The following SNX25 variants were observed in gnomAD, a reference collection of about 807,000 sequenced individuals.
SNX25 encodes the protein sorting nexin 25.
SNX25 carries 62 observed loss-of-function variants against 113.7 expected under a neutral mutation model. That is an observed-to-expected ratio of 0.55 (90% CI 0.44 to 0.67). SNX25 has a LOEUF of 0.67. Among genes scored for constraint, SNX25 ranks in the 30% least tolerant of loss-of-function variants. The pLI is 0.00. For synonymous variants in SNX25, 421 were observed against 436.2 expected (o/e 0.97, Z 0.43); for missense variants, 1,014 against 1,161.0 (o/e 0.87, Z 1.84).
intron 1 of SNX25, among the ~76,000 whole-genome samples, chr4:185,228,137 G>T (rs1398572360): frequency 6.6e-6 from 1 of 152,226 alleles, no homozygotes; most frequent in East Asian, 1.9e-4. Flanking sequence ...TTTACAGTGT[G>T]TGGCCTGTGC....
At chr4:185,219,977 A>G (rs919285394) in intron 1 of SNX25, among the ~76,000 whole-genome samples, 1 of 149,126 alleles carries the variant, frequency 6.7e-6, no homozygotes, top group African/African-American at 2.5e-5. Flanking sequence ...TGCAACCGCT[A>G]GATAGCTCAG....
intron 15 of SNX25, among the ~76,000 whole-genome samples, chr4:185,356,579 G>A (rs2126751670): frequency 6.6e-6 from 1 of 152,158 alleles, no homozygotes; most frequent in South Asian, 2.1e-4. Context: ...ACTTTAACTG[G>A]ATATTTTGAT....
At chr4:185,371,329 G>A (rs1483494179), downstream of SNX25, among the ~76,000 whole-genome samples, 1 of 151,894 alleles carries the variant, frequency 6.6e-6, no homozygotes, top group African/African-American at 2.4e-5. Context: ...CACGAGGTTA[G>A]GAGATTGAGA....
intron 1 of SNX25, among the ~76,000 whole-genome samples, chr4:185,238,137 T>A (rs1244170005): frequency 6.6e-6 from 1 of 150,464 alleles, no homozygotes; most frequent in Non-Finnish European, 1.5e-5. Context: ...ACATTTAGAG[T>A]CCTTGTCAGG....
At chr4:185,340,334 T>C (rs1454354062) in intron 11 of SNX25, among the ~76,000 whole-genome samples, 1 of 152,144 alleles carries the variant, frequency 6.6e-6, no homozygotes, top group Non-Finnish European at 1.5e-5. Context: ...CTAGGTTGGA[T>C]AGCAAAACAA....
At chr4:185,367,160 T>C (rs949666636), downstream of SNX25, 6 of 1,600,162 alleles carry the variant, frequency 3.7e-6, no homozygotes, top group African/African-American at 8.1e-5. Flanking sequence ...TTGATGATCT[T>C]TGTTGAAATA....
At chr4:185,288,330 G>A (rs1316893858) in intron 6 of SNX25, among the ~76,000 whole-genome samples, 2 of 151,838 alleles carry the variant, frequency 1.3e-5, no homozygotes, top group Non-Finnish European at 2.9e-5. Context: ...ATTTTTAGAA[G>A]GCTAAAATCA....
intron 12 of SNX25, among the ~76,000 whole-genome samples, chr4:185,346,209 CCTT>C (rs1474209128): frequency 1.3e-5 from 2 of 152,208 alleles, no homozygotes; most frequent in African/African-American, 4.8e-5. Flanking sequence ...AAACACAACA[CCTT>C]CTAGTTGAAA....
At chr4:185,367,267 A>G (rs371006528), downstream of SNX25, 1 of 1,598,550 alleles carries the variant, frequency 6.3e-7, no homozygotes. Flanking sequence ...AAAGAGTCAG[A>G]TATTTAGATA....
chr4:185,369,125 T>C (rs903340414), intron 11 of SNX25, among the ~76,000 whole-genome samples: 2 of 151,354 alleles, frequency 1.3e-5, no homozygotes, highest in African/African-American at 4.9e-5. Flanking sequence ...GATGACTATA[T>C]AGTATATTTC....
intron 5 of SNX25, among the ~76,000 whole-genome samples, chr4:185,287,654 A>C (rs572346363): frequency 6.7e-4 from 102 of 152,350 alleles, no homozygotes; most frequent in Non-Finnish European, 1.2e-3. Flanking sequence ...TCACCTTATT[A>C]GACAGTGCCA....
chr4:185,360,011 C>T (rs555474864), intron 16 of SNX25, among the ~76,000 whole-genome samples: 2 of 152,286 alleles, frequency 1.3e-5, no homozygotes, highest in South Asian at 4.1e-4. Flanking sequence ...CAGCACAGTG[C>T]GTGTCTCTTG....
chr4:185,302,101 T>G (rs934376937), intron 6 of SNX25, among the ~76,000 whole-genome samples: 3 of 41,928 alleles, frequency 7.2e-5, no homozygotes, highest in African/African-American at 1.6e-4. Flanking sequence ...GTTTTTTTTG[T>G]TTTTTTTTTT....
intron 10 of SNX25, among the ~76,000 whole-genome samples, chr4:185,335,314 TCTCACACACACA>T (rs1368972221): frequency 2.7e-5 from 2 of 74,088 alleles, no homozygotes; most frequent in African/African-American, 1.2e-4. Context: ...AGTGAAAAAG[TCTCACACACACA>T]CACACACACA....
chr4:185,220,612 G>A (rs1335833027), intron 1 of SNX25, among the ~76,000 whole-genome samples: 1 of 151,538 alleles, frequency 6.6e-6, no homozygotes, highest in Non-Finnish European at 1.5e-5. Context: ...CTCCCAAGTA[G>A]CTGGGATAAG....
At chr4:185,371,382 G>T (rs1293848028), downstream of SNX25, among the ~76,000 whole-genome samples, 1 of 148,762 alleles carries the variant, frequency 6.7e-6, no homozygotes, top group Non-Finnish European at 1.5e-5. Context: ...TACTAAAAAA[G>T]ATACAAAAAA....
chr4:185,361,765 A>T (rs976892996), intron 16 of SNX25, among the ~76,000 whole-genome samples, 159 bp from the exon 17 acceptor site: 1 of 152,248 alleles, frequency 6.6e-6, no homozygotes, highest in Admixed American at 6.5e-5. Context: ...AAAAATATAT[A>T]TAACTTTCAG....
chr4:185,253,244 C>A lies in SNX25; in HGVS notation c.515-5604C>A, dbSNP rs556173767. On this transcript the variant is annotated intron_variant, in intron 2 of 18. Coordinates refer to ENST00000652585, the MANE Select transcript of SNX25 (RefSeq NM_001378034.2). Reference sequence around the variant, plus strand: ...TGTGTTCAATGTTAAATTGAAAGTTCTTGAATTGAAAATATAATTCTTTTT... The same window carrying A: ...TGTGTTCAATGTTAAATTGAAAGTTATTGAATTGAAAATATAATTCTTTTT... 2.0e-4 allele frequency among the ~76,000 whole-genome samples: 30 copies of A among 152,194 alleles called. 1 individual carries two copies. The South Asian group carries it at 4.0e-3, about 20-fold the overall frequency.
At chr4:185,287,910 T>C in intron 5 of SNX25, 102 bp from the exon 6 acceptor site, 1 of 920,828 alleles carries the variant, frequency 1.1e-6, no homozygotes, top group Non-Finnish European at 1.6e-6. Flanking sequence ...GATTCACAGC[T>C]CCTGTGTTAC....
Sources: allele counts gnomAD v4.1 joint callset (sites outside exome capture counted in the v4.1 genomes callset), GRCh38; gene constraint gnomAD v4.1.1; transcripts MANE v1.5; gene names NCBI Gene and HGNC (gene_info 2026-07-23, HGNC 2026-07-21).